GRIK2: variants seen among roughly 807,000 people sequenced by gnomAD.
GRIK2 encodes glutamate ionotropic receptor kainate type subunit 2.
GRIK2 carries 32 observed loss-of-function variants against 100.3 expected under a neutral mutation model. The ratio of observed to expected loss-of-function variants is 0.32; its 90% CI spans 0.24 to 0.43. GRIK2 has a LOEUF of 0.43. Among genes scored for constraint, GRIK2 ranks in the 20% least tolerant of loss-of-function variants. The probability of loss-of-function intolerance (pLI) is 1.00; values close to 1 mark genes in which losing one functional copy is unlikely to be tolerated. For missense variants in GRIK2, 843 were observed against 1,114.9 expected, an observed-to-expected ratio of 0.76 and a Z score of 3.47; for synonymous variants, 417 against 389.4, an observed-to-expected ratio of 1.07 and a Z score of -0.83.
intron 2 of GRIK2, among the ~76,000 whole-genome samples, chr6:101,504,330 A>AT (rs1361678861): frequency 1.3e-5 from 2 of 151,964 alleles, no homozygotes; most frequent in Non-Finnish European, 2.9e-5. Context: ...ACATTTCTAT[A>AT]TTTTTTTCTG....
chr6:101,618,301 G>A (rs1779993294), intron 2 of GRIK2, among the ~76,000 whole-genome samples: 1 of 151,194 alleles, frequency 6.6e-6, no homozygotes. Context: ...GGAAAACTAT[G>A]GATTCTGTGT....
intron 2 of GRIK2, among the ~76,000 whole-genome samples, chr6:101,501,192 G>A (rs1364769422): frequency 6.6e-6 from 1 of 152,122 alleles, no homozygotes; most frequent in Non-Finnish European, 1.5e-5. Context: ...CAGCATTAAT[G>A]TGTGATTCTA....
chr6:101,581,417 C>T (rs1778092132), intron 2 of GRIK2, among the ~76,000 whole-genome samples: 1 of 151,864 alleles, frequency 6.6e-6, no homozygotes, highest in Admixed American at 6.6e-5. Flanking sequence ...AGTCCAAGTC[C>T]CAAAGCTGAA....
chr6:101,469,746 T>C (rs774197827), intron 2 of GRIK2, among the ~76,000 whole-genome samples: 25 of 152,220 alleles, frequency 1.6e-4, no homozygotes, highest in Non-Finnish European at 3.2e-4. Flanking sequence ...TCCAGTTTAA[T>C]ATCTCACTTC....
At chr6:101,531,985 C>A (rs2023610) in intron 2 of GRIK2, among the ~76,000 whole-genome samples, 151,777 of 152,034 alleles carry the variant, frequency 1, 75,761 homozygotes, top group East Asian at 1. Context: ...TCCCAAAGCC[C>A]ATTAGAAAAC....
intron 2 of GRIK2, among the ~76,000 whole-genome samples, chr6:101,540,687 T>A (rs1262949257): frequency 6.6e-6 from 1 of 152,014 alleles, no homozygotes; most frequent in Non-Finnish European, 1.5e-5. Flanking sequence ...TTCAAGCAGT[T>A]CTAGTTATAA....
intron 2 of GRIK2, among the ~76,000 whole-genome samples, chr6:101,593,795 TA>T (rs1411074987): frequency 7.9e-5 from 12 of 151,920 alleles, no homozygotes; most frequent in African/African-American, 2.9e-4. Context: ...GACAGCTTCA[TA>T]TGTTACTTTA....
At chr6:101,639,865 T>A (rs1481139837) in intron 4 of GRIK2, among the ~76,000 whole-genome samples, 1 of 152,160 alleles carries the variant, frequency 6.6e-6, no homozygotes, top group Non-Finnish European at 1.5e-5. Flanking sequence ...TTTCAGTGAC[T>A]CAAAAAGGAA....
At chr6:101,638,817 C>G (rs754540061) in intron 4 of GRIK2, among the ~76,000 whole-genome samples, 2 of 151,380 alleles carry the variant, frequency 1.3e-5, no homozygotes, top group Non-Finnish European at 2.9e-5. Context: ...AACCTAGTCT[C>G]TACAGAAAAA....
At chr6:101,784,029 G>C (rs1779268730) in intron 7 of GRIK2, among the ~76,000 whole-genome samples, 1 of 152,216 alleles carries the variant, frequency 6.6e-6, no homozygotes, top group African/African-American at 2.4e-5. Flanking sequence ...TGGTAGAAAA[G>C]AAAAACCCGT....
intron 10 of GRIK2, among the ~76,000 whole-genome samples, chr6:101,851,114 G>A (rs2791835): frequency 0.92 from 140,025 of 152,050 alleles, 64,624 homozygotes; most frequent in East Asian, 0.98. Context: ...CTAAAAAGAT[G>A]CACTCAGACC....
chr6:101,600,783 T>C (rs1320101978), intron 2 of GRIK2, among the ~76,000 whole-genome samples: 1 of 151,878 alleles, frequency 6.6e-6, no homozygotes, highest in Non-Finnish European at 1.5e-5. Context: ...TTACTAACAT[T>C]GTTTATCAGT....
intron 12 of GRIK2, among the ~76,000 whole-genome samples, chr6:101,921,733 TA>T (rs1789533689): frequency 6.6e-6 from 1 of 151,898 alleles, no homozygotes; most frequent in Non-Finnish European, 1.5e-5. Context: ...GAATCGGAGA[TA>T]AAAAGAATTG....
chr6:101,486,272 C>T (rs903379536), intron 2 of GRIK2, among the ~76,000 whole-genome samples: 2 of 149,914 alleles, frequency 1.3e-5, no homozygotes, highest in Non-Finnish European at 2.9e-5. Context: ...GGGAAGAAGT[C>T]TGTGAATCAG....
chr6:101,831,786 A>C (rs1782715925), intron 10 of GRIK2, among the ~76,000 whole-genome samples: 1 of 152,114 alleles, frequency 6.6e-6, no homozygotes, highest in African/African-American at 2.4e-5. Context: ...ATGCAATGAA[A>C]ATACTAGTAG....
chr6:101,996,095 T>C (rs1182157690), intron 14 of GRIK2, among the ~76,000 whole-genome samples: 1 of 152,044 alleles, frequency 6.6e-6, no homozygotes, highest in African/African-American at 2.4e-5. Flanking sequence ...TTATTGAAGA[T>C]TCTCCCACAT....
intron 2 of GRIK2, among the ~76,000 whole-genome samples, chr6:101,473,670 C>A (rs1772070905): frequency 6.6e-6 from 1 of 151,718 alleles, no homozygotes; most frequent in Non-Finnish European, 1.5e-5. Context: ...ATAACTGAAT[C>A]AGTTGGTTTT....
At chr6:101,656,019 C>A (rs1378468369) in intron 4 of GRIK2, among the ~76,000 whole-genome samples, 2 of 151,896 alleles carry the variant, frequency 1.3e-5, no homozygotes, top group Non-Finnish European at 2.9e-5. Context: ...TGATAAATGG[C>A]AGGCTGGGCA....
chr6:101,834,998 G>A (rs1582336812), intron 10 of GRIK2, among the ~76,000 whole-genome samples: 1 of 152,190 alleles, frequency 6.6e-6, no homozygotes, highest in East Asian at 1.9e-4. Flanking sequence ...GTGAGACCCT[G>A]TCTCTAAATA....
Sources: gnomAD v4.1 joint callset for allele counts (sites outside exome capture counted in the v4.1 genomes callset) on GRCh38, gnomAD v4.1.1 for gene constraint, MANE v1.5 for transcripts, NCBI Gene and HGNC (gene_info 2026-07-23, HGNC 2026-07-21) for gene names.